Variants in METTL22 observed in about 807,000 individuals in gnomAD.
The protein encoded by METTL22 is methyltransferase 22, Kin17 lysine.
In METTL22, 51 loss-of-function variants were observed where a neutral mutation model predicts 48.4. The observed-to-expected ratio is 1.05, with a 90% CI of 0.84 to 1.33. The LOEUF (loss-of-function observed/expected upper bound fraction) is 1.33, where lower values mean the gene tolerates loss of function less well. Among genes scored for constraint, METTL22 ranks in the 40% most tolerant of loss-of-function variants. The probability of loss-of-function intolerance (pLI) is 0.00; values close to 1 mark genes in which losing one functional copy is unlikely to be tolerated. For synonymous variants in METTL22, 255 were observed against 214.1 expected, an observed-to-expected ratio of 1.19 and a Z score of -1.67; for missense variants, 678 against 526.9, an observed-to-expected ratio of 1.29 and a Z score of -2.81.
chr16:8,663,224 A>AT, the METTL22 span, among the ~76,000 whole-genome samples: 430 of 98,916 alleles, frequency 4.3e-3, 4 homozygotes, highest in African/African-American at 0.013. Context: ...AAAAAAAAAA[A>AT]AGGTAGCCAA....
At chr16:8,651,318 C>T (rs564698232), downstream of METTL22, among the ~76,000 whole-genome samples, 281 of 122,546 alleles carry the variant, frequency 2.3e-3, no homozygotes, top group African/African-American at 8.3e-3. Flanking sequence ...ACCCGGGAGG[C>T]GGAGCTTGCA....
chr16:8,660,779 T>TTGGAGG, the METTL22 span, among the ~76,000 whole-genome samples: 19 of 24,838 alleles, frequency 7.6e-4, 6 homozygotes, highest in East Asian at 4.8e-3. Flanking sequence ...TGGGCAAGTC[T>TTGGAGG]TGGAGGAGGA....
At chr16:8,631,029 C>A (rs1336799683) in intron 3 of METTL22, among the ~76,000 whole-genome samples, 1 of 152,220 alleles carries the variant, frequency 6.6e-6, no homozygotes, top group African/African-American at 2.4e-5. Context: ...ATCAGGGGAA[C>A]CACTGTCCCT....
At chr16:8,634,216 G>A (rs1178904116) in intron 3 of METTL22, among the ~76,000 whole-genome samples, 3 of 152,192 alleles carry the variant, frequency 2.0e-5, no homozygotes, top group Non-Finnish European at 4.4e-5. Flanking sequence ...GAGAACAGTG[G>A]CCCAGGTGCC....
At position 8,635,183 on chromosome 16, in the gene METTL22, C is replaced by T. The variant is rs555444120; in HGVS notation, c.571C>T (p.Leu191=). 1.9e-6 allele frequency: 3 copies of T among 1,610,526 alleles called. No individual in the cohort carries two copies. In the South Asian group the frequency reaches 3.3e-5, roughly 18 times the overall value. ...DVGKQVWRGA[L]LLADYILFRQ... is the part of the protein sequence containing the mutation. Reference sequence around the variant, plus strand: ...TTCCCTCCAGGTGTGGCGGGGCGCCCTGCTCCTGGCAGACTACATCCTGTT... The same window carrying T: ...TTCCCTCCAGGTGTGGCGGGGCGCCTTGCTCCTGGCAGACTACATCCTGTT... The change falls in exon 5 of 11, where the codon CTG becomes TTG. Residue 191 remains leucine (L), a synonymous_variant. Transcript: ENST00000381920.
the METTL22 span, among the ~76,000 whole-genome samples, chr16:8,657,534 G>T: frequency 1.3e-5 from 2 of 152,106 alleles, no homozygotes; most frequent in Non-Finnish European, 2.9e-5. Flanking sequence ...CATAAAACCA[G>T]GTTCCTTTTC....
chr16:8,665,832 G>C, the METTL22 span, among the ~76,000 whole-genome samples: 1 of 152,188 alleles, frequency 6.6e-6, no homozygotes, highest in Non-Finnish European at 1.5e-5. Context: ...CCTGCATGTA[G>C]CATTTAGTCA....
chr16:8,666,192 C>T, the METTL22 span, among the ~76,000 whole-genome samples: 1 of 152,168 alleles, frequency 6.6e-6, no homozygotes, highest in Non-Finnish European at 1.5e-5. Context: ...CCTGAGCAAG[C>T]AGTTCTTGGC....
intron 5 of METTL22, among the ~76,000 whole-genome samples, chr16:8,638,550 C>T (rs2056493706): frequency 6.6e-6 from 1 of 152,064 alleles, no homozygotes. Context: ...AGAGAGTGGG[C>T]TCAGCCTGTT....
chr16:8,641,070 TA>T (rs2056600209), intron 6 of METTL22, 60 bp from the exon 7 acceptor site: 1 of 1,522,692 alleles, frequency 6.6e-7, no homozygotes, highest in Non-Finnish European at 9.1e-7. Context: ...TGTAAAAGTT[TA>T]TCTTTTTTTC....
chr16:8,659,773 G>A, the METTL22 span, among the ~76,000 whole-genome samples: 6 of 152,134 alleles, frequency 3.9e-5, no homozygotes, highest in Admixed American at 3.3e-4. Flanking sequence ...ACCCAGGCTG[G>A]AGTGCAGTGG....
intron 3 of METTL22, among the ~76,000 whole-genome samples, chr16:8,633,695 T>A (rs1315572342): frequency 6.6e-6 from 1 of 152,220 alleles, no homozygotes; most frequent in Non-Finnish European, 1.5e-5. Context: ...CCTGCTAACC[T>A]CACCCAGCCA....
chr16:8,643,866 G>T (rs954776148), intron 9 of METTL22, among the ~76,000 whole-genome samples: 1 of 152,038 alleles, frequency 6.6e-6, no homozygotes, highest in Non-Finnish European at 1.5e-5. Flanking sequence ...TGCCCTCCTC[G>T]GCCTCCCACA....
At position 8,625,532 on chromosome 16, in the gene METTL22, C is replaced by A; in HGVS notation, c.-134C>A. On this transcript the variant is annotated 5_prime_UTR_variant, in exon 2 of 11. Transcript: ENST00000381920. The stretch of plus-strand genomic sequence containing the variant: ...TCCCTGGCCAAGTCTCTGAGATCTT[C>A]TCCCAGGGCGATGCAAAGCTACTCG... 1.5e-6 allele frequency: 1 copy of A among 685,536 alleles called. No individual in the cohort carries two copies. 42.5% of individuals were successfully genotyped at this position (685,536 alleles called of 1,614,324 possible). A position where few individuals can be genotyped will look rare whatever the true frequency, so the allele number is the denominator to read the frequency against.
At chr16:8,661,446 A>T in the METTL22 span, among the ~76,000 whole-genome samples, 1 of 146,248 alleles carries the variant, frequency 6.8e-6, no homozygotes, top group African/African-American at 2.6e-5. Context: ...GGAGATCGAG[A>T]CCATCCTGGC....
Position 8,640,965 on chromosome 16 carries a change from G to T in METTL22, c.773-166G>T, listed in dbSNP as rs78581451. Reference sequence around the variant, plus strand: ...GGATGGGTGGGTGGATGGCTGGCTGGCTGGCTGGCTGGCTGGCTGTAAAGA... The same window carrying T: ...GGATGGGTGGGTGGATGGCTGGCTGTCTGGCTGGCTGGCTGGCTGTAAAGA... On this transcript the variant is annotated intron_variant, in intron 6 of 10. Coordinates refer to ENST00000381920, the MANE Select transcript of METTL22 (RefSeq NM_024109.4). 2.8e-3 allele frequency among the ~76,000 whole-genome samples: 245 copies of T among 86,480 alleles called. 13 individuals are homozygous for T. The highest frequency in any genetic ancestry group is 6.0e-3 in the Non-Finnish European group (207 of 34,620). 56.7% of individuals were successfully genotyped at this position (86,480 alleles called of 152,430 possible).
At position 8,635,330 on chromosome 16, in the gene METTL22, C is replaced by G; in HGVS notation, c.700+18C>G. 2 of 1,524,336 alleles carry G rather than the reference C, an allele frequency of 1.3e-6. No homozygotes were observed. The highest frequency in any genetic ancestry group is 1.8e-6 in the Non-Finnish European group (2 of 1,137,914). The allele number at this position is 1,524,336 out of a possible 1,614,324, so 94.4% of individuals were successfully genotyped here. Reference sequence around the variant, plus strand: ...TTGTACAGGTAATGAGGTGACATCTCAGGCTGCAGGGAAGTAGTCACCTTC... The same window carrying G: ...TTGTACAGGTAATGAGGTGACATCTGAGGCTGCAGGGAAGTAGTCACCTTC... On this transcript the variant is annotated intron_variant, in intron 5 of 10. Coordinates refer to ENST00000381920, the MANE Select transcript of METTL22 (RefSeq NM_024109.4).
the METTL22 span, among the ~76,000 whole-genome samples, chr16:8,659,715 G>A: frequency 1.3e-5 from 2 of 148,584 alleles, no homozygotes. Flanking sequence ...ATTGATTAGG[G>A]CGCAAGGACT....
chr16:8,642,681 C>A (rs2056661676), intron 9 of METTL22, 116 bp downstream of exon 9: 1 of 963,366 alleles, frequency 1.0e-6, no homozygotes, highest in Non-Finnish European at 1.7e-6. Flanking sequence ...ACTTATTGAG[C>A]ACCTACTATG....
Sources: allele counts gnomAD v4.1 joint callset (sites outside exome capture counted in the v4.1 genomes callset), GRCh38; gene constraint gnomAD v4.1.1; transcripts MANE v1.5; gene names NCBI Gene and HGNC (gene_info 2026-07-23, HGNC 2026-07-21).